KCTD16: variants seen among roughly 807,000 people sequenced by gnomAD.
The protein encoded by KCTD16 is BTB/POZ domain-containing protein KCTD16.
Under a neutral mutation model 33.2 loss-of-function variants are expected in KCTD16, and 13 were observed. That is an observed-to-expected ratio of 0.39 (90% CI 0.25 to 0.62). The LOEUF (loss-of-function observed/expected upper bound fraction) is 0.62. Among genes scored for constraint, KCTD16 ranks in the 20% least tolerant of loss-of-function variants. The pLI is 0.50. For synonymous variants in KCTD16, 197 were observed against 195.3 expected (o/e 1.01, Z -0.07); for missense variants, 441 against 525.1 (o/e 0.84, Z 1.57).
intron 3 of KCTD16, among the ~76,000 whole-genome samples, chr5:144,299,080 ATATATATATCACTATG>A (rs1756137228): frequency 2.9e-5 from 2 of 69,438 alleles, no homozygotes; most frequent in Non-Finnish European, 5.2e-5. Flanking sequence ...ATATTTTTGT[ATATATATATCACTATG>A]TATATATATA....
chr5:144,412,747 A>G (rs1245622243), intron 3 of KCTD16, among the ~76,000 whole-genome samples: 2 of 152,058 alleles, frequency 1.3e-5, no homozygotes, highest in Admixed American at 6.5e-5. Context: ...TTAGCTGGGC[A>G]TGGTGGTGCG....
chr5:144,316,947 C>A (rs1047184131), intron 3 of KCTD16, among the ~76,000 whole-genome samples: 5 of 151,226 alleles, frequency 3.3e-5, no homozygotes, highest in African/African-American at 1.2e-4. Context: ...CCTGTCTCAG[C>A]CTCCCAAGTA....
chr5:144,363,248 A>T (rs1751756575), intron 3 of KCTD16, among the ~76,000 whole-genome samples: 2 of 152,152 alleles, frequency 1.3e-5, no homozygotes, highest in African/African-American at 4.8e-5. Flanking sequence ...AGGCTGAGGC[A>T]TGAGAATCAT....
chr5:144,235,248 T>C (rs1027494931), intron 3 of KCTD16, among the ~76,000 whole-genome samples: 1 of 152,148 alleles, frequency 6.6e-6, no homozygotes, highest in Non-Finnish European at 1.5e-5. Context: ...AGATTGATAC[T>C]CATTAAAATC....
At chr5:144,269,292 AT>A (rs890829914) in intron 3 of KCTD16, among the ~76,000 whole-genome samples, 4 of 152,040 alleles carry the variant, frequency 2.6e-5, no homozygotes, top group Non-Finnish European at 5.9e-5. Flanking sequence ...ACTGAGACAC[AT>A]TATAATCAGA....
At chr5:144,360,721 C>T (rs574544455) in intron 3 of KCTD16, among the ~76,000 whole-genome samples, 3 of 152,214 alleles carry the variant, frequency 2.0e-5, no homozygotes, top group South Asian at 2.1e-4. Flanking sequence ...TGAGCCACAG[C>T]GCCCAGCCAA....
At chr5:144,178,439 T>G (rs6861242) in intron 2 of KCTD16, among the ~76,000 whole-genome samples, 1 of 151,788 alleles carries the variant, frequency 6.6e-6, no homozygotes, top group Non-Finnish European at 1.5e-5. Context: ...ATTTTATTTT[T>G]AAACAGAGAC....
intron 3 of KCTD16, among the ~76,000 whole-genome samples, chr5:144,358,012 G>A (rs1368432099): frequency 6.6e-6 from 1 of 151,736 alleles, no homozygotes; most frequent in Non-Finnish European, 1.5e-5. Context: ...CAGCCTTGAA[G>A]TCTTGGGTTC....
chr5:144,370,556 T>C (rs891377941), intron 3 of KCTD16, among the ~76,000 whole-genome samples: 1 of 152,218 alleles, frequency 6.6e-6, no homozygotes, highest in Non-Finnish European at 1.5e-5. Flanking sequence ...ATGAGAATCT[T>C]GGAGCATGGA....
At chr5:144,298,402 T>A (rs1040227028) in intron 3 of KCTD16, among the ~76,000 whole-genome samples, 1 of 152,170 alleles carries the variant, frequency 6.6e-6, no homozygotes, top group East Asian at 1.9e-4. Flanking sequence ...TGAGAATTGT[T>A]CATAGCAGCT....
intron 3 of KCTD16, among the ~76,000 whole-genome samples, chr5:144,298,455 T>C (rs1756109171): frequency 6.6e-6 from 1 of 152,296 alleles, no homozygotes; most frequent in African/African-American, 2.4e-5. Context: ...GCCAGCCAGA[T>C]GGAAGGTTAA....
intron 2 of KCTD16, among the ~76,000 whole-genome samples, chr5:144,196,420 T>C (rs1752940503): frequency 6.6e-6 from 1 of 152,192 alleles, no homozygotes; most frequent in South Asian, 2.1e-4. Context: ...AAGGAAGGTA[T>C]TTTATTACTG....
rs550764254 is a variant in KCTD16 at position 144,336,196 on chromosome 5, C to A, written c.832+128650C>A. 2.6e-5 allele frequency among the ~76,000 whole-genome samples: 4 copies of A among 152,340 alleles called. No individual in the cohort carries two copies. In the East Asian group the frequency reaches 7.7e-4, roughly 29 times the overall value. On this transcript the variant is annotated intron_variant, in intron 3 of 3. Transcript: ENST00000512467. ...CTGAGAAGTTCTAATTCATTTTCCC[C>A]TTTGCCAATGCTGAAGGAGCTGGGA...
intron 2 of KCTD16, among the ~76,000 whole-genome samples, chr5:144,198,173 C>T (rs1007466204): frequency 6.6e-6 from 1 of 152,182 alleles, no homozygotes; most frequent in African/African-American, 2.4e-5. Flanking sequence ...ATATTCCTAA[C>T]CAACAGCTCC....
intron 3 of KCTD16, among the ~76,000 whole-genome samples, chr5:144,298,596 A>G (rs1319406814): frequency 6.6e-6 from 1 of 152,158 alleles, no homozygotes; most frequent in East Asian, 1.9e-4. Context: ...AGATGCCTTC[A>G]GAGACATAAT....
At chr5:144,309,639 C>T (rs961001789) in intron 3 of KCTD16, among the ~76,000 whole-genome samples, 1 of 152,086 alleles carries the variant, frequency 6.6e-6, no homozygotes, top group African/African-American at 2.4e-5. Flanking sequence ...ATACAGATGG[C>T]AGAATAGACC....
At chr5:144,378,592 G>A (rs1291620506) in intron 3 of KCTD16, among the ~76,000 whole-genome samples, 1 of 151,948 alleles carries the variant, frequency 6.6e-6, no homozygotes, top group Non-Finnish European at 1.5e-5. Context: ...GAACAGTTTT[G>A]GAATCCAACT....
intron 3 of KCTD16, among the ~76,000 whole-genome samples, chr5:144,258,191 G>T (rs17379983): frequency 0.22 from 33,241 of 151,982 alleles, 4,030 homozygotes; most frequent in Non-Finnish European, 0.28. Flanking sequence ...TCTATATAAA[G>T]ACAGTGTCCT....
At chr5:144,462,537 T>A (rs531365740) in intron 3 of KCTD16, among the ~76,000 whole-genome samples, 91 of 149,718 alleles carry the variant, frequency 6.1e-4, no homozygotes, top group Non-Finnish European at 1.1e-3. Flanking sequence ...AGCTATTATT[T>A]TTTTTTTTGA....
Sources: gnomAD v4.1 joint callset for allele counts (sites outside exome capture counted in the v4.1 genomes callset) on GRCh38, gnomAD v4.1.1 for gene constraint, MANE v1.5 for transcripts, NCBI Gene and HGNC (gene_info 2026-07-23, HGNC 2026-07-21) for gene names.